Variants in STARD5 observed in about 807,000 individuals in gnomAD.
STARD5 encodes the protein StAR related lipid transfer domain containing 5, also known as stAR-related lipid transfer protein 5.
A neutral mutation model predicts 24.6 loss-of-function variants in STARD5; 26 were observed. The ratio of observed to expected loss-of-function variants is 1.06; its 90% CI spans 0.77 to 1.47. The LOEUF is 1.47. Among genes scored for constraint, STARD5 ranks in the 40% most tolerant of loss-of-function variants. The pLI is 0.00. For synonymous variants in STARD5, 101 were observed against 99.7 expected (o/e 1.01, Z -0.07); for missense variants, 254 against 270.8 (o/e 0.94, Z 0.44).
At chr15:81,319,934 G>C (rs144133198) in intron 3 of STARD5, among the ~76,000 whole-genome samples, 1 of 152,168 alleles carries the variant, frequency 6.6e-6, no homozygotes, top group Non-Finnish European at 1.5e-5. Context: ...CTCTTTTTTA[G>C]GGCTGACCCT....
intron 5 of STARD5, among the ~76,000 whole-genome samples, chr15:81,315,023 TCTC>T: frequency 6.6e-6 from 1 of 152,202 alleles, no homozygotes; most frequent in East Asian, 1.9e-4. Context: ...CTGTGGCTTT[TCTC>T]CTCTGCTTGT....
chr15:81,323,841 T>C, intron 1 of STARD5, 160 bp downstream of exon 1: 2 of 795,212 alleles, frequency 2.5e-6, no homozygotes, highest in South Asian at 1.6e-5. Flanking sequence ...CCAATCTTTT[T>C]TTTAAAGAAG....
intron 2 of STARD5, 111 bp from the exon 3 acceptor site, chr15:81,322,651 G>T: frequency 6.5e-7 from 1 of 1,540,916 alleles, no homozygotes; most frequent in East Asian, 2.3e-5. Context: ...TACTCTTTAG[G>T]ACAGACTTGC....
chr15:81,317,361 G>C (rs964340858), intron 5 of STARD5, among the ~76,000 whole-genome samples: 1 of 152,080 alleles, frequency 6.6e-6, no homozygotes, highest in Non-Finnish European at 1.5e-5. Context: ...TGTCAGACCC[G>C]GCACCACTGA....
At chr15:81,322,360 A>T (rs1596072493) in intron 3 of STARD5, 48 bp downstream of exon 3, 1 of 1,612,454 alleles carries the variant, frequency 6.2e-7, no homozygotes, top group East Asian at 2.2e-5. Context: ...GGGTTACTAT[A>T]GCCTGGCCCA....
rs1409199872 is a variant in STARD5, at chr15:81,313,098, C to T, written c.*158G>A. 5 of 844,274 alleles carry T rather than the reference C, an allele frequency of 5.9e-6. No homozygotes were observed. The East Asian group carries it at 1.7e-4, about 29-fold the overall frequency. The allele number at this position is 844,274 out of a possible 1,614,324, so 52.3% of individuals were successfully genotyped here. Reference sequence around the variant, plus strand: ...TGGGGCAGGAGGCAGGAAGGGTGGGCTGCCGCCTCTGGTTGGCATTCTCAG... The same window carrying T: ...TGGGGCAGGAGGCAGGAAGGGTGGGTTGCCGCCTCTGGTTGGCATTCTCAG... On this transcript the variant is annotated 3_prime_UTR_variant, in exon 6 of 6. Coordinates refer to ENST00000302824, the MANE Select transcript of STARD5 (RefSeq NM_181900.3).
rs1033283619 is a variant in STARD5 at position 81,312,785 on chromosome 15, A to G, written c.*471T>C. The G allele has an allele frequency of 6.6e-6, 1 of 152,496 alleles. No individual in the cohort carries two copies. The highest frequency in any genetic ancestry group is 6.5e-5 in the Admixed American group (1 of 15,292). 9.4% of individuals were successfully genotyped at this position (152,496 alleles called of 1,614,324 possible). A position where few individuals can be genotyped will look rare whatever the true frequency, so the allele number is the denominator to read the frequency against. On this transcript the variant is annotated 3_prime_UTR_variant, in exon 6 of 6. Transcript: ENST00000302824. ...TATACAAGGTCTATATCAGAAAAAT[A>G]TATTTGGGGGGCTGCAGCACAGGAC...
intron 3 of STARD5, among the ~76,000 whole-genome samples, chr15:81,321,065 T>C (rs1263180520): frequency 6.6e-6 from 1 of 152,234 alleles, no homozygotes; most frequent in Admixed American, 6.5e-5. Flanking sequence ...AGCTACCACT[T>C]GGCAATTCTC....
intron 3 of STARD5, among the ~76,000 whole-genome samples, chr15:81,321,767 T>C (rs954927261): frequency 6.6e-6 from 1 of 152,184 alleles, no homozygotes; most frequent in Admixed American, 6.5e-5. Flanking sequence ...AAATTTGAGT[T>C]CCAGGAAAAC....
rs1341911228 is a variant in STARD5, at chr15:81,309,700, C to T, written c.*3556G>A. ...TACAGGTGAAGCACCAAGCTCAAAG[C>T]GTGGACAGGTGTGCCGACAGAAGGA... On this transcript the variant is annotated 3_prime_UTR_variant, in exon 6 of 6. Coordinates refer to ENST00000302824, the MANE Select transcript of STARD5 (RefSeq NM_181900.3). 1.3e-5 allele frequency: 2 copies of T among 152,210 alleles called. No individual in the cohort carries two copies. The highest frequency in any genetic ancestry group is 6.5e-5 in the Admixed American group (1 of 15,274). The allele number at this position is 152,210 out of a possible 1,614,324, so 9.4% of individuals were successfully genotyped here. A position where few individuals can be genotyped will look rare whatever the true frequency, so the allele number is the denominator to read the frequency against.
At position 81,322,948 on chromosome 15, in the gene STARD5, T is replaced by C. The variant is rs964335883; in HGVS notation, c.100A>G (p.Asn34Asp). The C allele has an allele frequency of 6.2e-7, 1 of 1,614,016 alleles. No individual in the cohort carries two copies. The highest frequency in any genetic ancestry group is 1.3e-5 in the African/African-American group (1 of 75,032). The change falls in exon 2 of 6, where the codon AAT (asparagine) becomes GAT (aspartate). Residue 34 changes from asparagine to aspartate, a missense_variant and splice_region_variant. By Grantham distance (23) the Asn-to-Asp change is conservative (BLOSUM62 1). Coordinates refer to ENST00000302824, the MANE Select transcript of STARD5 (RefSeq NM_181900.3). Reference protein sequence around the residue: ...TAGWKICREGNGVSVSWRPSV... With the variant: ...TAGWKICREGDGVSVSWRPSV... Reference sequence around the variant, plus strand: ...GGCCTCCAGGAAACTGAAACTCCATTCTGTCAAAAGGCACAGAACCACAGA... The same window carrying C: ...GGCCTCCAGGAAACTGAAACTCCATCCTGTCAAAAGGCACAGAACCACAGA...
intron 4 of STARD5, among the ~76,000 whole-genome samples, 159 bp from the exon 5 acceptor site, chr15:81,318,661 G>T (rs928129856): frequency 5.3e-5 from 8 of 152,060 alleles, no homozygotes; most frequent in African/African-American, 1.9e-4. Flanking sequence ...CCACCCTACT[G>T]CCCCTTACAC....
intron 4 of STARD5, 81 bp from the exon 5 acceptor site, chr15:81,318,583 G>C: frequency 7.9e-7 from 1 of 1,269,810 alleles, no homozygotes; most frequent in Non-Finnish European, 1.1e-6. Context: ...AGAGCACACA[G>C]ACCAGACTAC....
intron 3 of STARD5, among the ~76,000 whole-genome samples, chr15:81,321,024 C>T (rs936736701): frequency 6.6e-6 from 1 of 152,196 alleles, no homozygotes; most frequent in African/African-American, 2.4e-5. Flanking sequence ...GCCCTTTCTC[C>T]ACATTTTCAT....
At chr15:81,320,833 G>A (rs1272264437) in intron 3 of STARD5, among the ~76,000 whole-genome samples, 1 of 151,074 alleles carries the variant, frequency 6.6e-6, no homozygotes, top group Non-Finnish European at 1.5e-5. Flanking sequence ...CTAAGATGAG[G>A]AGGACTTTGG....
At chr15:81,317,985 G>T (rs1315695855) in intron 5 of STARD5, among the ~76,000 whole-genome samples, 3 of 152,162 alleles carry the variant, frequency 2.0e-5, no homozygotes, top group Non-Finnish European at 4.4e-5. Context: ...GGTGGGGACT[G>T]CTATCCTCAA....
In STARD5 at chr15:81,312,877, GACAGTC is replaced by G. The variant is rs1900937416; in HGVS notation, c.*373_*378del. Reference sequence around the variant, plus strand: ...TTCAGTGGCGATGATGATTCTCTATGACAGTCAGGGAAACGTGGTCTCTGAGAGTGA... The same window carrying G: ...TTCAGTGGCGATGATGATTCTCTATGAGGGAAACGTGGTCTCTGAGAGTGA... On this transcript the variant is annotated 3_prime_UTR_variant, in exon 6 of 6. Transcript: ENST00000302824. 6.4e-6 allele frequency: 1 copy of G among 156,400 alleles called. No homozygotes were observed. The highest frequency in any genetic ancestry group is 6.5e-5 in the Admixed American group (1 of 15,354). The allele number at this position is 156,400 out of a possible 1,614,324, so 9.7% of individuals were successfully genotyped here. A position where few individuals can be genotyped will look rare whatever the true frequency, so the allele number is the denominator to read the frequency against.
intron 1 of STARD5, 22 bp from the exon 2 acceptor site, chr15:81,322,970 C>G: frequency 6.2e-7 from 1 of 1,613,938 alleles, no homozygotes; most frequent in Non-Finnish European, 8.5e-7. Context: ...CACAGAACCA[C>G]AGAATTTTAG....
rs757593833 is a variant in STARD5 at position 81,313,373 on chromosome 15, G to T, written c.525C>A (p.Phe175Leu). 3 of 1,575,122 alleles carry T rather than the reference G, an allele frequency of 1.9e-6. No individual in the cohort carries two copies. The highest frequency in any genetic ancestry group is 1.7e-6 in the Non-Finnish European group (2 of 1,159,954). Residue 175 changes from phenylalanine (F) to leucine (L), a missense_variant, in exon 6 of 6, where the codon TTC (phenylalanine) becomes TTA (leucine). Coordinates refer to ENST00000302824, the MANE Select transcript of STARD5 (RefSeq NM_181900.3). ...GGTAACCGCTGAGGTCGGTATGGAA[G>T]AATGTGACCAGGTTGGTCTTGGTGG... Reference protein sequence around the residue: ...GEPTKTNLVTFFHTDLSGYLP... With the variant: ...GEPTKTNLVTLFHTDLSGYLP...
Sources: gnomAD v4.1 joint callset for allele counts (sites outside exome capture counted in the v4.1 genomes callset) on GRCh38, gnomAD v4.1.1 for gene constraint, MANE v1.5 for transcripts, NCBI Gene and HGNC (gene_info 2026-07-23, HGNC 2026-07-21) for gene names.